DRC11: variants seen among roughly 807,000 people sequenced by gnomAD.
DRC11 encodes the protein IQ and AAA domain-containing protein 1.
chr2:236,405,398 C>T, the DRC11 span, among the ~76,000 whole-genome samples: 3 of 151,586 alleles, frequency 2.0e-5, no homozygotes, highest in East Asian at 3.9e-4. This position sits in a 1 kb window ranked among gnomAD's most constrained non-coding sequence, Gnocchi z 4.6. Flanking sequence ...AACTTTCTTG[C>T]CTTTTTTTGC....
the DRC11 span, among the ~76,000 whole-genome samples, chr2:236,385,880 G>T: frequency 9.2e-6 from 1 of 108,516 alleles, no homozygotes; most frequent in Non-Finnish European, 1.8e-5. Context: ...AAGGGTTGTT[G>T]AATTTTGTCA....
the DRC11 span, among the ~76,000 whole-genome samples, chr2:236,322,887 GT>G: frequency 1.3e-5 from 2 of 152,208 alleles, no homozygotes; most frequent in African/African-American, 4.8e-5. Context: ...GTAGCTTAGT[GT>G]GACTATGGAC....
At chr2:236,468,853 A>G in the DRC11 span, among the ~76,000 whole-genome samples, 2 of 152,246 alleles carry the variant, frequency 1.3e-5, no homozygotes, top group African/African-American at 4.8e-5. Context: ...TGTCACAATT[A>G]TCTACTGTAT....
chr2:236,356,277 T>C, the DRC11 span, among the ~76,000 whole-genome samples: 3 of 151,512 alleles, frequency 2.0e-5, no homozygotes, highest in African/African-American at 7.2e-5. Context: ...TTCCCTTGCC[T>C]GTCTAATGAG....
At chr2:236,424,081 T>A in the DRC11 span, among the ~76,000 whole-genome samples, 1 of 147,436 alleles carries the variant, frequency 6.8e-6, no homozygotes, top group African/African-American at 2.5e-5. Flanking sequence ...GGGATAGCAT[T>A]GGGAGATATA....
the DRC11 span, among the ~76,000 whole-genome samples, chr2:236,416,724 TATATATATATA>T: frequency 6.6e-3 from 135 of 20,500 alleles, 3 homozygotes; most frequent in African/African-American, 0.017. Flanking sequence ...TATATATTTA[TATATATATATA>T]TATATATATA....
At chr2:236,327,929 G>A in the DRC11 span, among the ~76,000 whole-genome samples, 90 of 152,270 alleles carry the variant, frequency 5.9e-4, 1 homozygote, top group African/African-American at 2.1e-3. Context: ...TGATCTGCCC[G>A]CCTTGATTCA....
the DRC11 span, among the ~76,000 whole-genome samples, chr2:236,414,402 G>T: frequency 6.6e-6 from 1 of 152,178 alleles, no homozygotes; most frequent in Non-Finnish European, 1.5e-5. Flanking sequence ...ACTTGTGTAA[G>T]GTGTGAAGTT....
At chr2:236,343,446 A>G in the DRC11 span, among the ~76,000 whole-genome samples, 8 of 152,200 alleles carry the variant, frequency 5.3e-5, no homozygotes, top group Non-Finnish European at 1.0e-4. The surrounding 1 kb of genome is among the most constrained non-coding windows in gnomAD (Gnocchi z 6.6). Flanking sequence ...GGAGGCTCAG[A>G]GAGGTTAAGT....
At chr2:236,344,206 A>G in the DRC11 span, among the ~76,000 whole-genome samples, 331 of 152,308 alleles carry the variant, frequency 2.2e-3, 2 homozygotes, top group African/African-American at 7.5e-3. Flanking sequence ...GCCTTTTGCT[A>G]TTTATTATGA....
the DRC11 span, among the ~76,000 whole-genome samples, chr2:236,465,931 T>A: frequency 4.6e-5 from 7 of 152,306 alleles, no homozygotes; most frequent in East Asian, 1.2e-3. This position sits in a 1 kb window ranked among gnomAD's most constrained non-coding sequence, Gnocchi z 6.2. Context: ...TGTTTTGAAG[T>A]TTTCAGCTTC....
chr2:236,319,905 T>C, the DRC11 span, among the ~76,000 whole-genome samples: 1 of 152,236 alleles, frequency 6.6e-6, no homozygotes, highest in African/African-American at 2.4e-5. This position sits in a 1 kb window ranked among gnomAD's most constrained non-coding sequence, Gnocchi z 6.7. Flanking sequence ...CTCTTCCTCA[T>C]GTTCATCGCA....
the DRC11 span, chr2:236,377,235 G>C: frequency 8.5e-7 from 1 of 1,179,488 alleles, no homozygotes; most frequent in Non-Finnish European, 1.3e-6. This position sits in a 1 kb window ranked among gnomAD's most constrained non-coding sequence, Gnocchi z 4.9. Context: ...ACAGAAATCG[G>C]CGGTATTTCT....
the DRC11 span, among the ~76,000 whole-genome samples, chr2:236,422,429 C>A: frequency 6.6e-6 from 1 of 152,282 alleles, no homozygotes; most frequent in South Asian, 2.1e-4. Context: ...AGAGCCAAAT[C>A]ATGAGTGAAC....
At chr2:236,345,554 G>A in the DRC11 span, among the ~76,000 whole-genome samples, 4 of 152,102 alleles carry the variant, frequency 2.6e-5, no homozygotes, top group Non-Finnish European at 4.4e-5. Flanking sequence ...GGGCCCCCAC[G>A]AGGCTATTTG....
At chr2:236,355,292 G>C in the DRC11 span, among the ~76,000 whole-genome samples, 1 of 152,378 alleles carries the variant, frequency 6.6e-6, no homozygotes, top group African/African-American at 2.4e-5. Flanking sequence ...GTGGGGCGGG[G>C]AGAGTGGGGA....
the DRC11 span, among the ~76,000 whole-genome samples, chr2:236,459,595 G>GTATATACGTATATACGTACGTA: frequency 1.8e-5 from 2 of 108,828 alleles, no homozygotes; most frequent in Admixed American, 8.8e-5. Flanking sequence ...ATACGTATAC[G>GTATATACGTATATACGTACGTA]TATACATATA....
At chr2:236,488,067 G>T in the DRC11 span, 1 of 1,607,836 alleles carries the variant, frequency 6.2e-7, no homozygotes, top group Admixed American at 1.7e-5. Context: ...GGATTGCTTT[G>T]CTCTATATTC....
the DRC11 span, among the ~76,000 whole-genome samples, chr2:236,361,340 G>C: frequency 7.2e-5 from 11 of 152,144 alleles, no homozygotes; most frequent in Non-Finnish European, 2.9e-5. This position sits in a 1 kb window ranked among gnomAD's most constrained non-coding sequence, Gnocchi z 5.7. Flanking sequence ...AAAGGGAAAT[G>C]ATACCAGGTG....
Sources: gnomAD v4.1 joint callset for allele counts (sites outside exome capture counted in the v4.1 genomes callset) on GRCh38, gnomAD v4.1.1 for gene constraint, Gnocchi (gnomAD v3.1) non-coding constraint, MANE v1.5 for transcripts, NCBI Gene and HGNC (gene_info 2026-07-23, HGNC 2026-07-21) for gene names.